CEP57: variants seen among roughly 807,000 people sequenced by gnomAD.
CEP57 encodes centrosomal protein of 57 kDa.
A neutral mutation model predicts 68.0 loss-of-function variants in CEP57; 40 were observed. That is an observed-to-expected ratio of 0.59 (90% CI 0.46 to 0.77). The LOEUF (loss-of-function observed/expected upper bound fraction) is 0.77, where lower values mean the gene tolerates loss of function less well. Ranked by LOEUF, CEP57 falls within the 30% of genes least tolerant of loss-of-function variation. CEP57 has a pLI of 0.00. For missense variants in CEP57, 606 were observed against 580.7 expected, an observed-to-expected ratio of 1.04 and a Z score of -0.45; for synonymous variants, 219 against 198.7, an observed-to-expected ratio of 1.10 and a Z score of -0.86.
chr11:95,790,260 A>G, upstream of CEP57: 5 of 240,220 alleles, frequency 2.1e-5, no homozygotes, highest in Non-Finnish European at 4.2e-5. Context: ...TATCTCCATT[A>G]CTCCCTTCAG....
chr11:95,790,605 G>T lies in CEP57; in HGVS notation c.-94G>T. On this transcript the variant is annotated 5_prime_UTR_variant, in exon 1 of 11. Coordinates refer to ENST00000325542, the MANE Select transcript of CEP57 (RefSeq NM_014679.5). ...CTTTTCCATCAGGGGTTCAGCCTAGGGTCCCCGCTGGTGGGCGGCTCCCGA... is the reference window on the plus strand; with the variant it reads ...CTTTTCCATCAGGGGTTCAGCCTAGTGTCCCCGCTGGTGGGCGGCTCCCGA... 1 of 1,476,654 alleles carries T rather than the reference G, an allele frequency of 6.8e-7. No homozygotes were observed. Among genetic ancestry groups the T allele is most frequent in the East Asian group, 2.4e-5 (1 of 41,566 alleles). 91.5% of individuals were successfully genotyped at this position (1,476,654 alleles called of 1,614,324 possible).
At position 95,831,373 on chromosome 11, in the gene CEP57, T is replaced by C. The variant is rs1013176264; in HGVS notation, c.*117T>C. On this transcript the variant is annotated 3_prime_UTR_variant, in exon 11 of 11. Transcript: ENST00000325542. ...GTTGGAATTAATTAATAGCAGGTGT[T>C]AAAGGACCCAGGCTTCATTACACAG... The C allele has an allele frequency of 3.9e-6, 3 of 759,936 alleles. No individual in the cohort carries two copies. Among genetic ancestry groups the C allele is most frequent in the African/African-American group, 3.5e-5 (2 of 57,286 alleles). The allele number at this position is 759,936 out of a possible 1,614,324, so 47.1% of individuals were successfully genotyped here.
chr11:95,790,631 G>T lies in CEP57; in HGVS notation c.-68G>T. On this transcript the variant is annotated 5_prime_UTR_variant, in exon 1 of 11. Coordinates refer to ENST00000325542, the MANE Select transcript of CEP57 (RefSeq NM_014679.5). ...GTCCCCGCTGGTGGGCGGCTCCCGA[G>T]TCTTGGAGAAGAGCACGAGAACCTA... The T allele has an allele frequency of 6.3e-7, 1 of 1,581,914 alleles. No homozygotes were observed.
intron 5 of CEP57, among the ~76,000 whole-genome samples, chr11:95,818,527 C>G (rs1332038113): frequency 1.3e-5 from 2 of 152,094 alleles, no homozygotes; most frequent in African/African-American, 4.8e-5. Context: ...ATATTTAATA[C>G]CACTGATAAT....
intron 1 of CEP57, among the ~76,000 whole-genome samples, chr11:95,793,366 A>G (rs776989504): frequency 4.0e-5 from 6 of 151,710 alleles, no homozygotes; most frequent in Admixed American, 1.3e-4. Flanking sequence ...TATTTTCACA[A>G]TAACCTTGGT....
At chr11:95,825,594 T>C (rs1217207021) in intron 8 of CEP57, 2 of 112,980 alleles carry the variant, frequency 1.8e-5, no homozygotes, top group East Asian at 4.4e-4. Flanking sequence ...TGCTTTTGAC[T>C]TTTTTTTTTT....
intron 4 of CEP57, among the ~76,000 whole-genome samples, chr11:95,813,868 C>G (rs1269393674): frequency 6.6e-6 from 1 of 152,072 alleles, no homozygotes; most frequent in Non-Finnish European, 1.5e-5. Context: ...TGTAAATAAC[C>G]ATATACCTCT....
At chr11:95,794,008 T>G (rs1455434137) in intron 1 of CEP57, among the ~76,000 whole-genome samples, 1 of 152,184 alleles carries the variant, frequency 6.6e-6, no homozygotes, top group East Asian at 1.9e-4. Flanking sequence ...AGATCTTTAA[T>G]AAGTCAAACA....
chr11:95,803,954 C>CA (rs1440662562), intron 2 of CEP57, among the ~76,000 whole-genome samples: 1 of 151,852 alleles, frequency 6.6e-6, no homozygotes, highest in African/African-American at 2.4e-5. Flanking sequence ...GGGAAACTCC[C>CA]AGAAAAAGAG....
At chr11:95,800,852 T>C (rs1157850881) in intron 2 of CEP57, among the ~76,000 whole-genome samples, 1 of 152,252 alleles carries the variant, frequency 6.6e-6, no homozygotes, top group Non-Finnish European at 1.5e-5. Context: ...TTTCTTCATC[T>C]GTATCTTTTA....
rs1860992846 is a variant in CEP57 at position 95,790,736 on chromosome 11, A to G, written c.38A>G (p.His13Arg). 2 of 1,613,892 alleles carry G rather than the reference A, an allele frequency of 1.2e-6. No homozygotes were observed. Among genetic ancestry groups the G allele is most frequent in the Non-Finnish European group, 1.7e-6 (2 of 1,179,992 alleles). ...TCTGTCTCTGCGGCTTCTGGTTCTC[A>G]CTTGTCGGTAAGAAGCAGTTGGCGC... ...AASVSAASGS[H>R]LSNSFAEPSR... Residue 13 changes from histidine (H) to arginine (R), a missense_variant, in exon 1 of 11, where the codon CAC becomes CGC. Coordinates refer to ENST00000325542, the MANE Select transcript of CEP57 (RefSeq NM_014679.5).
chr11:95,831,046 G>A lies in CEP57; in HGVS notation c.1293G>A (p.Glu431=). The change falls in exon 11 of 11, where the codon GAG becomes GAA. Residue 431 remains glutamate (E), a synonymous_variant. Transcript: ENST00000325542. Reference sequence around the variant, plus strand: ...TATAGCTGGAGAAACAGAAGTTAGAGAAGCAGAAGAAGGAATTAAAAGCTA... The same window carrying A: ...TATAGCTGGAGAAACAGAAGTTAGAAAAGCAGAAGAAGGAATTAAAAGCTA... ...YQAQLEKQKL[E]KQKKELKATK... 2 of 1,612,098 alleles carry A rather than the reference G, an allele frequency of 1.2e-6. No individual in the cohort carries two copies. Among genetic ancestry groups the A allele is most frequent in the Non-Finnish European group, 1.7e-6 (2 of 1,178,538 alleles).
intron 9 of CEP57, among the ~76,000 whole-genome samples, chr11:95,828,452 C>A (rs1199280102): frequency 6.6e-6 from 1 of 151,000 alleles, no homozygotes; most frequent in Non-Finnish European, 1.5e-5. Flanking sequence ...GCAGTTGTAA[C>A]ACAATGGTAA....
Position 95,827,729 on chromosome 11 carries a change from A to T in CEP57, c.886-57A>T, listed in dbSNP as rs1042365432. On this transcript the variant is annotated intron_variant, in intron 8 of 10. Coordinates refer to ENST00000325542, the MANE Select transcript of CEP57 (RefSeq NM_014679.5). ...CTTTTTACCTAGGCTTAGGGAATAG[A>T]AAGTGGTGTAGAGAATATAACTTCA... is the stretch of plus-strand genomic sequence containing the variant. 4 of 1,606,646 alleles carry T rather than the reference A, an allele frequency of 2.5e-6. No individual in the cohort carries two copies. In the Admixed American group the frequency reaches 6.7e-5, roughly 27 times the overall value.
In CEP57 at chr11:95,822,539, G is replaced by A. The variant is rs1368289895; in HGVS notation, c.848G>A (p.Arg283Lys). 2 of 1,613,820 alleles carry A rather than the reference G, an allele frequency of 1.2e-6. No homozygotes were observed. Reference protein sequence around the residue: ...RNYFGAQPHYRLCLGDMPFVA... With the variant: ...RNYFGAQPHYKLCLGDMPFVA... Reference sequence around the variant, plus strand: ...TATTTTGGTGCACAACCACATTATAGATTATGCTTGGGTGATATGCCATTT... The same window carrying A: ...TATTTTGGTGCACAACCACATTATAAATTATGCTTGGGTGATATGCCATTT... Residue 283 changes from arginine to lysine, a missense_variant, in exon 8 of 11, where the codon AGA (arginine) becomes AAA (lysine). Physicochemically the swap from Arg to Lys is conservative, Grantham distance 26 (BLOSUM62 2). Coordinates refer to ENST00000325542, the MANE Select transcript of CEP57 (RefSeq NM_014679.5).
At chr11:95,827,578 T>C in intron 8 of CEP57, 2 of 585,222 alleles carry the variant, frequency 3.4e-6, no homozygotes, top group South Asian at 2.0e-5. Context: ...ATGATGTGTA[T>C]GTAGGGCCTT....
At chr11:95,793,391 T>C (rs182230618) in intron 1 of CEP57, among the ~76,000 whole-genome samples, 2 of 79,992 alleles carry the variant, frequency 2.5e-5, no homozygotes, top group South Asian at 9.6e-4. Flanking sequence ...AATGACCTAA[T>C]CTCTTGATTT....
rs1053961596 is a variant in CEP57, at chr11:95,790,698, G to C, written c.-1G>C. On this transcript the variant is annotated 5_prime_UTR_variant, in exon 1 of 11. Coordinates refer to ENST00000325542, the MANE Select transcript of CEP57 (RefSeq NM_014679.5). ...CGGAGACCCCCTGGGCAGGCTGAAA[G>C]ATGGCGGCGGCGTCTGTCTCTGCGG... The C allele has an allele frequency of 6.2e-7, 1 of 1,614,024 alleles. No homozygotes were observed.
At chr11:95,824,019 C>T (rs1862628524) in intron 8 of CEP57, among the ~76,000 whole-genome samples, 1 of 149,342 alleles carries the variant, frequency 6.7e-6, no homozygotes, top group African/African-American at 2.5e-5. Context: ...TTGAGGTCTG[C>T]AGCTGCGGTT....
Sources: allele counts gnomAD v4.1 joint callset (sites outside exome capture counted in the v4.1 genomes callset), GRCh38; gene constraint gnomAD v4.1.1; transcripts MANE v1.5; gene names NCBI Gene and HGNC (gene_info 2026-07-23, HGNC 2026-07-21).